The following PRKG1 variants were observed in gnomAD, a reference collection of about 807,000 sequenced individuals.
PRKG1 encodes the protein protein kinase cGMP-dependent 1.
A neutral mutation model predicts 88.1 loss-of-function variants in PRKG1; 35 were observed. The ratio of observed to expected loss-of-function variants is 0.40; its 90% confidence interval spans 0.30 to 0.53. The LOEUF (loss-of-function observed/expected upper bound fraction) is 0.53. PRKG1 is among the 20% of genes least tolerant of loss of function. PRKG1 has a pLI of 0.59. For synonymous variants in PRKG1, 303 were observed against 292.5 expected (o/e 1.04, Z -0.37); for missense variants, 540 against 839.8 (o/e 0.64, Z 4.41).
chr10:51,701,866 A>G (rs964870058), intron 3 of PRKG1, among the ~76,000 whole-genome samples: 70 of 152,132 alleles, frequency 4.6e-4, no homozygotes, highest in Non-Finnish European at 8.4e-4. Flanking sequence ...TAGCAGAACC[A>G]CCTTGAGCCA....
chr10:51,464,603 A>C (rs1428819050), intron 2 of PRKG1, among the ~76,000 whole-genome samples: 1 of 152,108 alleles, frequency 6.6e-6, no homozygotes, highest in East Asian at 1.9e-4. Context: ...AATATAAGAT[A>C]AGATCAGGCC....
chr10:51,373,861 T>G (rs1208343041), intron 2 of PRKG1, among the ~76,000 whole-genome samples: 1 of 151,672 alleles, frequency 6.6e-6, no homozygotes, highest in East Asian at 1.9e-4. Context: ...AATTATACTT[T>G]GGCTGGGCAT....
chr10:52,187,620 A>T (rs1421113523), intron 9 of PRKG1, among the ~76,000 whole-genome samples: 2 of 152,212 alleles, frequency 1.3e-5, no homozygotes, highest in Non-Finnish European at 2.9e-5. Flanking sequence ...AACTTTTAAA[A>T]ATAAAGGGCA....
intron 3 of PRKG1, among the ~76,000 whole-genome samples, chr10:51,562,601 A>C (rs1257681623): frequency 6.6e-6 from 1 of 152,116 alleles, no homozygotes; most frequent in Non-Finnish European, 1.5e-5. Flanking sequence ...CTGGGGCACC[A>C]TCTGGAAATG....
chr10:51,217,104 G>C (rs1838392815), intron 2 of PRKG1, among the ~76,000 whole-genome samples: 1 of 152,076 alleles, frequency 6.6e-6, no homozygotes, highest in Non-Finnish European at 1.5e-5. Flanking sequence ...GCCATTTTAG[G>C]AATAGCAATA....
chr10:52,114,186 C>G (rs115037994), intron 7 of PRKG1, among the ~76,000 whole-genome samples: 2,756 of 152,072 alleles, frequency 0.018, 86 homozygotes, highest in African/African-American at 0.061. Context: ...TGATCACAGC[C>G]TCAGAAATAT....
intron 9 of PRKG1, among the ~76,000 whole-genome samples, chr10:52,188,496 GC>G (rs971676749): frequency 2.6e-5 from 4 of 151,114 alleles, no homozygotes; most frequent in African/African-American, 9.7e-5. Flanking sequence ...GGAACCACAG[GC>G]ATGTGCCACC....
At position 51,939,449 on chromosome 10, in the gene PRKG1, A is replaced by G. The variant is rs555763867; in HGVS notation, c.762+31879A>G. 2.0e-5 allele frequency among the ~76,000 whole-genome samples: 3 copies of G among 152,168 alleles called. No homozygotes were observed. The East Asian group carries it at 5.8e-4, about 29-fold the overall frequency. ...ATTGATTACAACCCTGAACAGATAC[A>G]TACAAACTCTGAAGGATGTAAAGAA... On this transcript the variant is annotated intron_variant, in intron 5 of 17. Transcript: ENST00000373980.
intron 1 of PRKG1, among the ~76,000 whole-genome samples, chr10:51,007,686 G>A (rs149746167): frequency 2.0e-5 from 3 of 152,232 alleles, no homozygotes; most frequent in East Asian, 3.9e-4. Context: ...TGAAACTAAC[G>A]TTATGCAAAA....
At chr10:52,166,291 T>C (rs1838432065) in intron 9 of PRKG1, among the ~76,000 whole-genome samples, 1 of 152,078 alleles carries the variant, frequency 6.6e-6, no homozygotes, top group Non-Finnish European at 1.5e-5. Context: ...GCACACCAAA[T>C]AGAAAACACC....
chr10:51,732,791 C>T (rs1029147340), intron 3 of PRKG1, among the ~76,000 whole-genome samples: 5 of 152,018 alleles, frequency 3.3e-5, no homozygotes, highest in Admixed American at 3.3e-4. Context: ...TAAGATCTCA[C>T]CTTAATAAAA....
chr10:51,251,102 C>G (rs1196364529), intron 2 of PRKG1, among the ~76,000 whole-genome samples: 1 of 151,708 alleles, frequency 6.6e-6, no homozygotes, highest in Non-Finnish European at 1.5e-5. Flanking sequence ...ACACATGAAC[C>G]CATGTGTTCC....
Position 51,979,200 on chromosome 10 carries a change from A to G in PRKG1, c.762+71630A>G, listed in dbSNP as rs118033238. 9.0e-3 allele frequency among the ~76,000 whole-genome samples: 1,367 copies of G among 151,990 alleles called. 10 individuals are homozygous for G. Among genetic ancestry groups the G allele is most frequent in the Middle Eastern group, 0.031 (9 of 294 alleles). ...ATTTAATTTTATCCAAAGGCTTTTCAGCATCTATTGAGATCATGTAGTTTT... is the reference window on the plus strand; with the variant it reads ...ATTTAATTTTATCCAAAGGCTTTTCGGCATCTATTGAGATCATGTAGTTTT... On this transcript the variant is annotated intron_variant, in intron 5 of 17. Coordinates refer to ENST00000373980, the MANE Select transcript of PRKG1 (RefSeq NM_006258.4).
intron 7 of PRKG1, among the ~76,000 whole-genome samples, chr10:52,122,326 G>C (rs547258262): frequency 1.3e-5 from 2 of 152,144 alleles, no homozygotes; most frequent in East Asian, 3.9e-4. Context: ...CCTCTTAATG[G>C]TCCCTCTTCT....
At chr10:51,694,790 C>G (rs1459459087) in intron 3 of PRKG1, among the ~76,000 whole-genome samples, 1 of 152,134 alleles carries the variant, frequency 6.6e-6, no homozygotes, top group Non-Finnish European at 1.5e-5. Context: ...ATAAAAGATT[C>G]TGATTGTGGC....
At chr10:51,635,292 A>AG (rs944149853) in intron 3 of PRKG1, among the ~76,000 whole-genome samples, 5 of 151,426 alleles carry the variant, frequency 3.3e-5, no homozygotes, top group Admixed American at 2.6e-4. Context: ...TAGCAAAAAA[A>AG]AAAAAAAAAA....
intron 2 of PRKG1, among the ~76,000 whole-genome samples, chr10:51,442,203 G>T (rs1012478555): frequency 2.0e-5 from 3 of 151,828 alleles, no homozygotes; most frequent in Non-Finnish European, 2.9e-5. Flanking sequence ...AACTTTTCCT[G>T]GAAGTTCCAG....
chr10:51,124,207 C>T (rs914868843), intron 1 of PRKG1, among the ~76,000 whole-genome samples: 4 of 152,112 alleles, frequency 2.6e-5, no homozygotes, highest in Admixed American at 2.6e-4. Context: ...TTTCCAAGTA[C>T]TTCTTTTTCT....
chr10:52,026,539 G>T (rs1845341901), intron 5 of PRKG1, among the ~76,000 whole-genome samples: 1 of 152,182 alleles, frequency 6.6e-6, no homozygotes, highest in Non-Finnish European at 1.5e-5. Flanking sequence ...ATTATTTGTT[G>T]CCCAAAACTG....
Sources: allele counts gnomAD v4.1 joint callset (sites outside exome capture counted in the v4.1 genomes callset), GRCh38; gene constraint gnomAD v4.1.1; transcripts MANE v1.5; gene names NCBI Gene and HGNC (gene_info 2026-07-23, HGNC 2026-07-21).